The following SORCS1 variants were observed in gnomAD, a reference collection of about 807,000 sequenced individuals.
SORCS1 encodes VPS10 domain-containing receptor SorCS1.
In SORCS1, 60 loss-of-function variants were observed where a neutral mutation model predicts 146.1. The observed-to-expected ratio is 0.41, with a 90% CI of 0.33 to 0.51. The LOEUF is 0.51. SORCS1 is among the 20% of genes least tolerant of loss of function. SORCS1 has a pLI of 0.21. For missense variants in SORCS1, 1,352 were observed against 1,487.6 expected (o/e 0.91, Z 1.50); for synonymous variants, 637 against 584.0 (o/e 1.09, Z -1.31).
rs3045086 is a variant in SORCS1 at position 106,909,384 on chromosome 10, C to CAGAGAG, written c.626+47123_626+47128dup. Among the ~76,000 whole-genome samples the CAGAGAG allele has an allele frequency of 3.5e-3, 528 of 149,904 alleles. 4 individuals carry two copies. The highest frequency in any genetic ancestry group is 5.2e-3 in the Non-Finnish European group (348 of 67,378). On this transcript the variant is annotated intron_variant, in intron 2 of 25. Coordinates refer to ENST00000263054, the MANE Select transcript of SORCS1 (RefSeq NM_052918.5). ...TAGAGTGGAAGGAGAATACAAATGA[C>CAGAGAG]AGAGAGAGAGAGAGAGAGAGAATAT...
chr10:106,803,386 A>G (rs1202491415), intron 3 of SORCS1, among the ~76,000 whole-genome samples: 1 of 152,226 alleles, frequency 6.6e-6, no homozygotes, highest in Non-Finnish European at 1.5e-5. Context: ...CACTTATAAG[A>G]GTATTTATTG....
chr10:106,597,226 T>G, intron 24 of SORCS1, 125 bp downstream of exon 24: 1 of 744,682 alleles, frequency 1.3e-6, no homozygotes, highest in South Asian at 1.7e-5. Context: ...ACCTCCAAGA[T>G]CCGATGACTG....
In SORCS1 at chr10:107,030,704, T is replaced by C. The variant is rs1477242318; in HGVS notation, c.559-74124A>G. On this transcript the variant is annotated intron_variant, in intron 1 of 25. Coordinates refer to ENST00000263054, the MANE Select transcript of SORCS1 (RefSeq NM_052918.5). ...AACTTTTCTCAATTAATACAAGTCA[T>C]CATTTTAAAGGCAGGCCTCATTTTT... is the stretch of plus-strand genomic sequence containing the variant. Among the ~76,000 whole-genome samples, 4 of 152,324 alleles carry C rather than the reference T, an allele frequency of 2.6e-5. No individual in the cohort carries two copies. The East Asian group carries it at 7.7e-4, about 29-fold the overall frequency.
intron 2 of SORCS1, among the ~76,000 whole-genome samples, chr10:106,892,555 T>A (rs541896014): frequency 2.0e-5 from 3 of 152,364 alleles, no homozygotes; most frequent in Admixed American, 6.5e-5. Flanking sequence ...TGGGACTTTA[T>A]CAAGACCCAT....
At chr10:106,899,591 C>CT (rs35476429) in intron 2 of SORCS1, among the ~76,000 whole-genome samples, 3,516 of 97,494 alleles carry the variant, frequency 0.036, 121 homozygotes, top group East Asian at 0.1. Context: ...GCCACCAGGG[C>CT]TTTTTTTTTT....
At chr10:107,081,904 TTCTC>T (rs1310827836) in intron 1 of SORCS1, among the ~76,000 whole-genome samples, 1 of 152,060 alleles carries the variant, frequency 6.6e-6, no homozygotes, top group South Asian at 2.1e-4. Flanking sequence ...GCTAGAAAAA[TTCTC>T]TCTTTGTCTT....
At chr10:107,066,712 A>G (rs543160267) in intron 1 of SORCS1, among the ~76,000 whole-genome samples, 1 of 152,274 alleles carries the variant, frequency 6.6e-6, no homozygotes, top group South Asian at 2.1e-4. Context: ...TTTTAGTAAA[A>G]ACTCAAAATG....
intron 5 of SORCS1, among the ~76,000 whole-genome samples, chr10:106,730,939 C>G: frequency 6.6e-6 from 1 of 152,092 alleles, no homozygotes; most frequent in East Asian, 1.9e-4. Flanking sequence ...GAAATGCCTC[C>G]AAACTGGTCC....
chr10:106,641,483 T>C (rs1273321337), intron 18 of SORCS1, among the ~76,000 whole-genome samples: 1 of 152,190 alleles, frequency 6.6e-6, no homozygotes, highest in Non-Finnish European at 1.5e-5. Flanking sequence ...AATTAGGACA[T>C]GCATTCTAAT....
intron 18 of SORCS1, among the ~76,000 whole-genome samples, chr10:106,647,389 TACAC>T (rs3044913): frequency 8.9e-4 from 131 of 147,420 alleles, no homozygotes; most frequent in African/African-American, 3.0e-3. Context: ...TTATAAATTT[TACAC>T]ACACACACAC....
At chr10:106,865,954 A>T (rs2137506739) in intron 2 of SORCS1, among the ~76,000 whole-genome samples, 1 of 150,970 alleles carries the variant, frequency 6.6e-6, no homozygotes, top group South Asian at 2.1e-4. Flanking sequence ...AATCACTTGA[A>T]CCTGGGAGGC....
intron 2 of SORCS1, among the ~76,000 whole-genome samples, chr10:106,832,791 A>G (rs908648997): frequency 1.2e-4 from 19 of 152,302 alleles, no homozygotes; most frequent in Admixed American, 1.1e-3. Flanking sequence ...AGACAAGAAA[A>G]TGGTTCAATT....
rs17121780 is a variant in SORCS1 at position 106,931,595 on chromosome 10, C to T, written c.626+24918G>A. ...TTGTAACTCCTGAACCAGAGAGCCA[C>T]TAGCTCAGAGGCATCATCGTGGGAA... On this transcript the variant is annotated intron_variant, in intron 2 of 25. Coordinates refer to ENST00000263054, the MANE Select transcript of SORCS1 (RefSeq NM_052918.5). 4.7e-4 allele frequency among the ~76,000 whole-genome samples: 71 copies of T among 152,304 alleles called. No individual in the cohort carries two copies. In the East Asian group the frequency reaches 0.014, roughly 29 times the overall value.
intron 3 of SORCS1, among the ~76,000 whole-genome samples, chr10:106,801,605 T>G (rs1035279329): frequency 2.0e-5 from 3 of 148,450 alleles, no homozygotes; most frequent in Non-Finnish European, 4.4e-5. Context: ...CTCGGCTCAC[T>G]GCAAAGCTCC....
intron 1 of SORCS1, among the ~76,000 whole-genome samples, chr10:106,964,769 A>G (rs992298429): frequency 2.0e-5 from 3 of 151,928 alleles, no homozygotes; most frequent in Non-Finnish European, 4.4e-5. Flanking sequence ...TACAGGCATG[A>G]GCCACTGCAC....
intron 3 of SORCS1, among the ~76,000 whole-genome samples, chr10:106,823,823 T>C (rs1948168036): frequency 6.6e-6 from 1 of 152,222 alleles, no homozygotes; most frequent in African/African-American, 2.4e-5. Context: ...TAGCTTATCA[T>C]TCCCCAGCTG....
intron 12 of SORCS1, among the ~76,000 whole-genome samples, chr10:106,677,762 A>G (rs1463344917): frequency 6.6e-6 from 1 of 152,184 alleles, no homozygotes; most frequent in Non-Finnish European, 1.5e-5. Flanking sequence ...AACCTTAGAA[A>G]TCATTTACTC....
intron 5 of SORCS1, among the ~76,000 whole-genome samples, chr10:106,745,772 T>C (rs1252114301): frequency 1.3e-5 from 2 of 152,114 alleles, no homozygotes; most frequent in African/African-American, 4.8e-5. Context: ...TTCCAACAAA[T>C]AGAGTACGGG....
chr10:107,032,713 G>A (rs7089112), intron 1 of SORCS1, among the ~76,000 whole-genome samples: 11,779 of 152,190 alleles, frequency 0.077, 1,474 homozygotes, highest in African/African-American at 0.26. Context: ...AATGCCGCAG[G>A]GAAATGACAA....
Sources: allele counts gnomAD v4.1 joint callset (sites outside exome capture counted in the v4.1 genomes callset), GRCh38; gene constraint gnomAD v4.1.1; transcripts MANE v1.5; gene names NCBI Gene and HGNC (gene_info 2026-07-23, HGNC 2026-07-21).